The following ZNF267 variants were observed in gnomAD, a reference collection of about 807,000 sequenced individuals.
The protein encoded by ZNF267 is zinc finger protein 267.
ZNF267 carries 61 observed loss-of-function variants against 71.6 expected under a neutral mutation model. The observed-to-expected ratio is 0.85, with a 90% CI of 0.69 to 1.05. The LOEUF (loss-of-function observed/expected upper bound fraction) is 1.05, where lower values mean the gene tolerates loss of function less well. Ranked by LOEUF, ZNF267 falls within the 50% of genes least tolerant of loss-of-function variation. The pLI is 0.00. For missense variants in ZNF267, 852 were observed against 870.0 expected, an observed-to-expected ratio of 0.98 and a Z score of 0.26; for synonymous variants, 288 against 293.2, an observed-to-expected ratio of 0.98 and a Z score of 0.18.
At chr16:31,884,272 T>A (rs1180338455) in intron 1 of ZNF267, among the ~76,000 whole-genome samples, 2 of 152,218 alleles carry the variant, frequency 1.3e-5, no homozygotes, top group East Asian at 3.8e-4. Flanking sequence ...TAGTTTTATA[T>A]TTTACATTTG....
intron 3 of ZNF267, among the ~76,000 whole-genome samples, chr16:31,902,633 C>T (rs985895014): frequency 6.6e-6 from 1 of 152,150 alleles, no homozygotes; most frequent in African/African-American, 2.4e-5. Context: ...GATTTTTGCA[C>T]ATTGATTTTG....
At chr16:31,876,444 C>T (rs1269717106) in intron 1 of ZNF267, among the ~76,000 whole-genome samples, 1 of 152,170 alleles carries the variant, frequency 6.6e-6, no homozygotes, top group East Asian at 1.9e-4. Context: ...GTCTCAAACT[C>T]CTGGGCTCAA....
intron 1 of ZNF267, among the ~76,000 whole-genome samples, chr16:31,882,354 G>A (rs944384450): frequency 3.3e-5 from 5 of 152,182 alleles, no homozygotes; most frequent in African/African-American, 4.8e-5. Context: ...CACTGTGAAC[G>A]AAAAGTATTT....
intron 3 of ZNF267, among the ~76,000 whole-genome samples, chr16:31,897,535 G>A (rs2084008877): frequency 1.3e-5 from 2 of 152,118 alleles, no homozygotes; most frequent in Non-Finnish European, 2.9e-5. Flanking sequence ...AAATCAGAAA[G>A]TAGATGTCTC....
chr16:31,914,559 G>A lies in ZNF267; in HGVS notation c.310G>A (p.Gly104Arg), dbSNP rs766794294. Residue 104 changes from glycine to arginine, a missense_variant, in exon 4 of 4, where the codon GGG becomes AGG. Gly to Arg is a moderately radical substitution (Grantham distance 125). Coordinates refer to ENST00000300870, the MANE Select transcript of ZNF267 (RefSeq NM_003414.6). Reference sequence around the variant, plus strand: ...CCAAAAAGTGATATCGAGGAGACATGGGAGCTGTGATCTTGAGAATTTACA... The same window carrying A: ...CCAAAAAGTGATATCGAGGAGACATAGGAGCTGTGATCTTGAGAATTTACA... ...SFQKVISRRHGSCDLENLHLR... is the reference protein window; with the variant it reads ...SFQKVISRRHRSCDLENLHLR... 3 of 1,614,044 alleles carry A rather than the reference G, an allele frequency of 1.9e-6. No homozygotes were observed. The African/African-American group carries it at 4.0e-5, about 22-fold the overall frequency.
chr16:31,896,209 C>T (rs2083997443), intron 3 of ZNF267, among the ~76,000 whole-genome samples: 1 of 152,030 alleles, frequency 6.6e-6, no homozygotes, highest in South Asian at 2.1e-4. Context: ...GACAGGATCT[C>T]ACTATGTAGC....
chr16:31,873,883 A>G lies in ZNF267; in HGVS notation c.-84A>G, dbSNP rs2083831803. On this transcript the variant is annotated 5_prime_UTR_variant, in exon 1 of 4. Coordinates refer to ENST00000300870, the MANE Select transcript of ZNF267 (RefSeq NM_003414.6). ...GCCCAGGCGGCTTCGCGTTCTGAGA[A>G]TAAACAGAACCTCTGTTGCTCTGCG... 1 of 1,598,004 alleles carries G rather than the reference A, an allele frequency of 6.3e-7. No individual in the cohort carries two copies. The highest frequency in any genetic ancestry group is 8.6e-7 in the Non-Finnish European group (1 of 1,165,522).
chr16:31,906,465 C>G (rs2084091192), intron 3 of ZNF267, among the ~76,000 whole-genome samples: 1 of 152,214 alleles, frequency 6.6e-6, no homozygotes, highest in Non-Finnish European at 1.5e-5. Flanking sequence ...CCTACTCAAG[C>G]CTGGGCAATG....
At position 31,885,159 on chromosome 16, in the gene ZNF267, A is replaced by C. The variant is rs1170748160; in HGVS notation, c.131-2A>C. On this transcript the variant is annotated splice_acceptor_variant, in intron 2 of 3. Transcript: ENST00000300870. LOFTEE classifies it high-confidence loss of function. ...GTCATGTGAATTTTTCCAATAAAAC[A>C]GGTCTTGTTGTCTCTAAGCCGGACC... 6.3e-7 allele frequency: 1 copy of C among 1,589,558 alleles called. No homozygotes were observed. Among genetic ancestry groups the C allele is most frequent in the South Asian group, 1.2e-5 (1 of 85,878 alleles).
At chr16:31,906,318 A>G (rs1286486798) in intron 3 of ZNF267, among the ~76,000 whole-genome samples, 3 of 152,224 alleles carry the variant, frequency 2.0e-5, no homozygotes. Flanking sequence ...AGACAGGGAC[A>G]TTTAAGTCTG....
At chr16:31,875,421 A>G in intron 1 of ZNF267, 3 of 951,472 alleles carry the variant, frequency 3.2e-6, no homozygotes, top group South Asian at 1.7e-5. Flanking sequence ...TATTTCTTCA[A>G]AGCTAGTTTT....
At chr16:31,914,323 A>G (rs1332958658) in intron 3 of ZNF267, 153 bp from the exon 4 acceptor site, 8 of 656,666 alleles carry the variant, frequency 1.2e-5, no homozygotes, top group Non-Finnish European at 1.9e-5. Context: ...TTATTGTAGT[A>G]AAGTTTGTAT....
chr16:31,897,752 T>A (rs1467133863), intron 3 of ZNF267, among the ~76,000 whole-genome samples: 1 of 152,150 alleles, frequency 6.6e-6, no homozygotes, highest in East Asian at 1.9e-4. Flanking sequence ...TGAGACTGTT[T>A]AATTTCTACA....
rs117767367 is a variant in ZNF267, at chr16:31,878,854, C to A, written c.3+4885C>A. Among the ~76,000 whole-genome samples the A allele has an allele frequency of 1.1e-3, 174 of 152,308 alleles. 4 individuals are homozygous for A. The East Asian group carries it at 0.029, about 25-fold the overall frequency. On this transcript the variant is annotated intron_variant, in intron 1 of 3. Transcript: ENST00000300870. ...AACTCAGATGTCTGTGAGCTCAAGA[C>A]CATGGCGCTAGATCTGGCTGTTGTA...
intron 3 of ZNF267, among the ~76,000 whole-genome samples, chr16:31,893,524 C>G (rs2083975751): frequency 6.6e-6 from 1 of 152,224 alleles, no homozygotes; most frequent in Non-Finnish European, 1.5e-5. Flanking sequence ...TGCAAATTTT[C>G]TGAACTTTTA....
rs2084168976 is a variant in ZNF267 at position 31,915,538 on chromosome 16, A to C, written c.1289A>C (p.His430Pro). Residue 430 changes from histidine (H) to proline (P), a missense_variant, in exon 4 of 4, where the codon CAT (histidine) becomes CCT (proline). Physicochemically the swap from His to Pro is moderately conservative, Grantham distance 77. Transcript: ENST00000300870. ...TACCTTACTAAACATAAGCGAATTC[A>C]TACTGGAGAGAAACCTTATAAATGT... ...SSYLTKHKRI[H>P]TGEKPYKCKE... The C allele has an allele frequency of 6.2e-7, 1 of 1,613,226 alleles. No individual in the cohort carries two copies. The highest frequency in any genetic ancestry group is 8.5e-7 in the Non-Finnish European group (1 of 1,179,804).
intron 3 of ZNF267, among the ~76,000 whole-genome samples, chr16:31,885,785 A>C (rs116447047): frequency 6.6e-6 from 1 of 152,352 alleles, no homozygotes; most frequent in African/African-American, 2.4e-5. Flanking sequence ...TTATGAAAAT[A>C]CAAGGCATCT....
chr16:31,914,309 C>T (rs910791335), intron 3 of ZNF267, 167 bp from the exon 4 acceptor site: 2 of 604,014 alleles, frequency 3.3e-6, no homozygotes, highest in East Asian at 3.0e-5. Flanking sequence ...GTTCACGTGC[C>T]ACTTTATTGT....
At chr16:31,875,850 C>T (rs2083848588) in intron 1 of ZNF267, among the ~76,000 whole-genome samples, 2 of 152,118 alleles carry the variant, frequency 1.3e-5, no homozygotes. Flanking sequence ...AAAACATTTC[C>T]AAGGCCATGA....
Sources: allele counts gnomAD v4.1 joint callset (sites outside exome capture counted in the v4.1 genomes callset), GRCh38; gene constraint gnomAD v4.1.1; transcripts MANE v1.5; gene names NCBI Gene and HGNC (gene_info 2026-07-23, HGNC 2026-07-21).